TRPM3: variants seen among roughly 807,000 people sequenced by gnomAD.
TRPM3 encodes transient receptor potential cation channel subfamily M member 3.
TRPM3 carries 77 observed loss-of-function variants against 181.2 expected under a neutral mutation model. The ratio of observed to expected loss-of-function variants is 0.42; its 90% CI spans 0.35 to 0.51. The LOEUF is 0.51. Among genes scored for constraint, TRPM3 ranks in the 20% least tolerant of loss-of-function variants. The pLI is 0.01. For synonymous variants in TRPM3, 745 were observed against 796.4 expected, an observed-to-expected ratio of 0.94 and a Z score of 1.09; for missense variants, 1,759 against 2,196.7, an observed-to-expected ratio of 0.80 and a Z score of 3.98.
intron 1 of TRPM3, among the ~76,000 whole-genome samples, chr9:71,426,872 CCT>C (rs1193584586): frequency 6.6e-6 from 1 of 150,924 alleles, no homozygotes; most frequent in Admixed American, 6.6e-5. Flanking sequence ...CGATTTTTTT[CCT>C]CTGTCTTCAG....
chr9:71,397,534 C>T (rs2093230209), intron 1 of TRPM3, among the ~76,000 whole-genome samples: 1 of 152,180 alleles, frequency 6.6e-6, no homozygotes, highest in African/African-American at 2.4e-5. Context: ...ATGCAAACTT[C>T]ACCAAGGAAG....
intron 1 of TRPM3, among the ~76,000 whole-genome samples, 169 bp downstream of exon 1, chr9:71,121,009 G>C (rs1309407060): frequency 6.7e-6 from 1 of 150,232 alleles, no homozygotes; most frequent in Non-Finnish European, 1.5e-5. Flanking sequence ...GGTGGGGGGC[G>C]TGGGGGGAGG....
intron 21 of TRPM3, among the ~76,000 whole-genome samples, chr9:70,592,864 G>A (rs1454259676): frequency 6.6e-6 from 1 of 152,014 alleles, no homozygotes; most frequent in Admixed American, 6.6e-5. Flanking sequence ...TGAGTAGCTG[G>A]GATTTCAGGT....
intron 8 of TRPM3, among the ~76,000 whole-genome samples, chr9:70,690,202 A>T (rs571311437): frequency 5.9e-5 from 9 of 152,326 alleles, no homozygotes; most frequent in Non-Finnish European, 8.8e-5. Context: ...GCTGTGTTAG[A>T]TATGTAAGAA....
At position 70,557,869 on chromosome 9, in the gene TRPM3, G is replaced by T. The variant is rs549451888; in HGVS notation, c.3224-4559C>A. 6.2e-4 allele frequency among the ~76,000 whole-genome samples: 94 copies of T among 152,270 alleles called. 1 individual carries two copies. Among genetic ancestry groups the T allele is most frequent in the African/African-American group, 2.2e-3 (91 of 41,550 alleles). Reference sequence around the variant, plus strand: ...CTTTCATGGTGACAGTCAGTACAGAGTCCTTCTAGTGGATATTGACTGGTT... The same window carrying T: ...CTTTCATGGTGACAGTCAGTACAGATTCCTTCTAGTGGATATTGACTGGTT... On this transcript the variant is annotated intron_variant, in intron 22 of 25. Transcript: ENST00000677713.
At chr9:71,200,879 A>G (rs929516129) in intron 1 of TRPM3, among the ~76,000 whole-genome samples, 9 of 150,246 alleles carry the variant, frequency 6.0e-5, no homozygotes, top group African/African-American at 7.3e-5. Context: ...TTACATTTAA[A>G]GTTAATATTG....
At chr9:70,848,934 G>T in intron 3 of TRPM3, among the ~76,000 whole-genome samples, 1 of 22,358 alleles carries the variant, frequency 4.5e-5, no homozygotes. Flanking sequence ...CCTAGATCGC[G>T]CCACTGCACT....
In TRPM3 at chr9:70,535,543, A is replaced by G. The variant is rs1587966223; in HGVS notation, c.*410T>C. ...TTGTGTACGCTGGCTATTTTATTTT[A>G]TTTTGCAATTTAGCCCTGCATCCTA... On this transcript the variant is annotated 3_prime_UTR_variant, in exon 26 of 26. Coordinates refer to ENST00000677713, the MANE Select transcript of TRPM3 (RefSeq NM_001366145.2). 3 of 1,544,242 alleles carry G rather than the reference A, an allele frequency of 1.9e-6. No individual in the cohort carries two copies. The highest frequency in any genetic ancestry group is 2.4e-5 in the South Asian group (2 of 83,340).
rs576668724 is a variant in TRPM3, at chr9:70,854,423, A to T, written c.463-7832T>A. Among the ~76,000 whole-genome samples the T allele has an allele frequency of 3.9e-5, 6 of 152,362 alleles. No homozygotes were observed. The South Asian group carries it at 1.2e-3, about 32-fold the overall frequency. On this transcript the variant is annotated intron_variant, in intron 3 of 25. Coordinates refer to ENST00000677713, the MANE Select transcript of TRPM3 (RefSeq NM_001366145.2). Reference sequence around the variant, plus strand: ...CACTGTGTGGATTAAATTGTGGCACATACCAGGTATGGCGGAAAAACTAAT... The same window carrying T: ...CACTGTGTGGATTAAATTGTGGCACTTACCAGGTATGGCGGAAAAACTAAT...
In TRPM3 at chr9:70,794,144, T is replaced by G. The variant is rs534254449; in HGVS notation, c.974-9865A>C. Reference sequence around the variant, plus strand: ...ATGAACTATTCAGGTCAATGCTGAGTGCAGTCCCAATACCCTGTTTAGTGT... The same window carrying G: ...ATGAACTATTCAGGTCAATGCTGAGGGCAGTCCCAATACCCTGTTTAGTGT... On this transcript the variant is annotated intron_variant, in intron 6 of 25. Transcript: ENST00000677713. 2.6e-5 allele frequency among the ~76,000 whole-genome samples: 4 copies of G among 152,078 alleles called. No homozygotes were observed. In the East Asian group the frequency reaches 7.8e-4, roughly 30 times the overall value.
chr9:71,058,218 A>G (rs1485431662), intron 1 of TRPM3, among the ~76,000 whole-genome samples: 1 of 152,054 alleles, frequency 6.6e-6, no homozygotes, highest in Non-Finnish European at 1.5e-5. Flanking sequence ...AATAAAATCT[A>G]TAGCTTTGGC....
intron 1 of TRPM3, among the ~76,000 whole-genome samples, chr9:70,948,727 A>G (rs975547185): frequency 3.9e-5 from 6 of 152,208 alleles, no homozygotes; most frequent in African/African-American, 1.4e-4. Flanking sequence ...TGCTCTCCAG[A>G]ACTTCACTGG....
intron 5 of TRPM3, among the ~76,000 whole-genome samples, chr9:70,832,139 T>C (rs1312966314): frequency 1.0e-5 from 1 of 99,756 alleles, no homozygotes; most frequent in African/African-American, 4.1e-5. Flanking sequence ...CTGGGGACTG[T>C]TGTGGGGTGG....
At chr9:70,745,000 CTAA>C (rs1292815186) in intron 8 of TRPM3, among the ~76,000 whole-genome samples, 4 of 152,104 alleles carry the variant, frequency 2.6e-5, no homozygotes, top group Non-Finnish European at 4.4e-5. Flanking sequence ...AATGGAGATA[CTAA>C]TACCGACCTC....
chr9:71,189,815 C>A (rs768127918), intron 1 of TRPM3, among the ~76,000 whole-genome samples: 1 of 151,820 alleles, frequency 6.6e-6, no homozygotes, highest in Non-Finnish European at 1.5e-5. Context: ...GTGTATCTGT[C>A]CCCATCCAAT....
chr9:70,830,264 T>G (rs1163480947), intron 5 of TRPM3, among the ~76,000 whole-genome samples: 7 of 152,192 alleles, frequency 4.6e-5, no homozygotes, highest in Non-Finnish European at 1.0e-4. Context: ...TGAAAATAAT[T>G]CTCAGCCAAG....
chr9:71,401,289 G>C lies in TRPM3; in HGVS notation c.183+45364C>G, dbSNP rs149745097. ...TCTTTTAACTGAAACAAACACACGT[G>C]GGGTGGAAGGAAGATGAGGGAAGGT... On this transcript the variant is annotated intron_variant, in intron 1 of 24. Transcript: ENST00000357533. 6.1e-4 allele frequency among the ~76,000 whole-genome samples: 93 copies of C among 152,016 alleles called. 3 individuals carry two copies. The South Asian group carries it at 0.018, about 30-fold the overall frequency.
chr9:71,036,939 C>T (rs12552966), intron 1 of TRPM3, among the ~76,000 whole-genome samples: 7,882 of 152,194 alleles, frequency 0.052, 288 homozygotes, highest in East Asian at 0.1. Flanking sequence ...CCCACTACAA[C>T]ATGATTGTAG....
chr9:70,901,088 G>A lies in TRPM3; in HGVS notation c.178-36577C>T, dbSNP rs762943250. 2.6e-5 allele frequency among the ~76,000 whole-genome samples: 4 copies of A among 152,164 alleles called. 1 individual carries two copies. In the South Asian group the frequency reaches 8.3e-4, roughly 32 times the overall value. On this transcript the variant is annotated intron_variant, in intron 1 of 25. Transcript: ENST00000677713. ...AAACTGCCTTGTTCCAGGAGGAATA[G>A]GATAGCCTAAAATGAAAGTGACATG...
Sources: gnomAD v4.1 joint callset for allele counts (sites outside exome capture counted in the v4.1 genomes callset) on GRCh38, gnomAD v4.1.1 for gene constraint, MANE v1.5 for transcripts, NCBI Gene and HGNC (gene_info 2026-07-23, HGNC 2026-07-21) for gene names.